ROBO1: variants seen among roughly 807,000 people sequenced by gnomAD.
The protein encoded by ROBO1 is roundabout homolog 1.
A neutral mutation model predicts 195.9 loss-of-function variants in ROBO1; 149 were observed. That is an observed-to-expected ratio of 0.76 (90% confidence interval 0.67 to 0.87). The LOEUF is 0.87. Among genes scored for constraint, ROBO1 ranks in the 40% least tolerant of loss-of-function variants. The probability of loss-of-function intolerance (pLI) is 0.00; values close to 1 mark genes in which losing one functional copy is unlikely to be tolerated. For synonymous variants in ROBO1, 816 were observed against 733.2 expected (o/e 1.11, Z -1.82); for missense variants, 1,933 against 2,068.3 (o/e 0.93, Z 1.27).
rs1418897158 is a variant in ROBO1 at position 78,659,113 on chromosome 3, T to C, written c.2442+573A>G. On this transcript the variant is annotated intron_variant, in intron 17 of 30. Transcript: ENST00000464233. ...TTCTAGACTAACACATAGTATCCTGTCACTCCTCAGTATTGAGACAGCCTT... is the reference window on the plus strand; with the variant it reads ...TTCTAGACTAACACATAGTATCCTGCCACTCCTCAGTATTGAGACAGCCTT... Among the ~76,000 whole-genome samples the C allele has an allele frequency of 4.6e-5, 7 of 152,192 alleles. No individual in the cohort carries two copies. The East Asian group carries it at 7.7e-4, about 17-fold the overall frequency.
chr3:79,278,779 G>A (rs911781242), intron 2 of ROBO1, among the ~76,000 whole-genome samples: 1 of 152,012 alleles, frequency 6.6e-6, no homozygotes, highest in African/African-American at 2.4e-5. Flanking sequence ...ATTGGCCTGG[G>A]AAAAGATTTT....
chr3:79,749,378 A>C (rs1704024237), intron 1 of ROBO1, among the ~76,000 whole-genome samples: 1 of 152,356 alleles, frequency 6.6e-6, no homozygotes, highest in Admixed American at 6.5e-5. Context: ...GCAGCCTGAC[A>C]ATATGATAGA....
intron 5 of ROBO1, among the ~76,000 whole-genome samples, chr3:78,737,488 CT>C (rs1478209258): frequency 6.6e-6 from 1 of 152,124 alleles, no homozygotes; most frequent in Non-Finnish European, 1.5e-5. Context: ...CATTTTCTCG[CT>C]GAATTCCCTC....
At chr3:78,959,654 A>T (rs550589631) in intron 3 of ROBO1, among the ~76,000 whole-genome samples, 1 of 152,218 alleles carries the variant, frequency 6.6e-6, no homozygotes, top group East Asian at 1.9e-4. Flanking sequence ...ACAGATCCAC[A>T]AAAGTTCAAT....
intron 1 of ROBO1, among the ~76,000 whole-genome samples, chr3:79,621,146 G>T (rs114169021): frequency 2.0e-5 from 3 of 151,938 alleles, no homozygotes; most frequent in African/African-American, 7.3e-5. Context: ...ATCAGTCTCC[G>T]CAACTTACCT....
intron 2 of ROBO1, among the ~76,000 whole-genome samples, chr3:79,250,563 TG>T (rs142321697): frequency 5.3e-5 from 8 of 151,738 alleles, no homozygotes; most frequent in East Asian, 3.9e-4. Context: ...ATAATGTGTG[TG>T]GGGGGGGTTC....
At chr3:79,007,418 C>G (rs1432608637) in intron 3 of ROBO1, among the ~76,000 whole-genome samples, 1 of 152,116 alleles carries the variant, frequency 6.6e-6, no homozygotes, top group Non-Finnish European at 1.5e-5. Context: ...GACAGAGAGA[C>G]AGTGATATTC....
chr3:79,665,833 C>T (rs180686887), intron 1 of ROBO1, among the ~76,000 whole-genome samples: 225 of 151,932 alleles, frequency 1.5e-3, no homozygotes, highest in Non-Finnish European at 2.5e-3. Flanking sequence ...GGATCTTAAA[C>T]ACAAGGCTTT....
rs144201528 is a variant in ROBO1, at chr3:79,372,432, A to G, written c.88+217392T>C. ...CACCATGTTGACCAGGATAGTCTCA[A>G]TCTCTTGATCTCGTGATCTGCCCGC... On this transcript the variant is annotated intron_variant, in intron 2 of 30. Coordinates refer to ENST00000464233, the MANE Select transcript of ROBO1 (RefSeq NM_002941.4). Among the ~76,000 whole-genome samples, 505 of 151,696 alleles carry G rather than the reference A, an allele frequency of 3.3e-3. 2 individuals are homozygous for G. Among genetic ancestry groups the G allele is most frequent in the African/African-American group, 0.012 (476 of 41,326 alleles).
At chr3:79,212,439 A>G (rs931692740) in intron 2 of ROBO1, among the ~76,000 whole-genome samples, 3 of 152,238 alleles carry the variant, frequency 2.0e-5, no homozygotes, top group Non-Finnish European at 4.4e-5. Flanking sequence ...CTTAGGGAGC[A>G]ATTTGAAAAA....
chr3:78,947,578 T>C (rs970769966), intron 3 of ROBO1, among the ~76,000 whole-genome samples: 1 of 152,060 alleles, frequency 6.6e-6, no homozygotes, highest in Non-Finnish European at 1.5e-5. Flanking sequence ...GTAGGAAAGA[T>C]CTAAAATTGA....
chr3:79,079,420 C>T (rs1159994944), intron 3 of ROBO1, among the ~76,000 whole-genome samples: 1 of 151,738 alleles, frequency 6.6e-6, no homozygotes, highest in Admixed American at 6.6e-5. Context: ...AACTCTATCT[C>T]ATAAGGCCAT....
At chr3:78,706,210 T>G (rs546427855) in intron 8 of ROBO1, among the ~76,000 whole-genome samples, 1 of 151,872 alleles carries the variant, frequency 6.6e-6, no homozygotes, top group Admixed American at 6.6e-5. Context: ...AGTTCAAGAA[T>G]AGGAGTAACT....
intron 10 of ROBO1, among the ~76,000 whole-genome samples, chr3:78,676,918 C>A (rs1358789403): frequency 1.3e-5 from 2 of 152,044 alleles, no homozygotes; most frequent in Admixed American, 6.6e-5. Flanking sequence ...TTAAGGGCAG[C>A]CAGAGAGAAA....
intron 2 of ROBO1, among the ~76,000 whole-genome samples, chr3:79,364,675 T>G (rs1168317720): frequency 6.6e-6 from 1 of 152,166 alleles, no homozygotes; most frequent in Non-Finnish European, 1.5e-5. Context: ...CAATCCAGTT[T>G]CTGTATATTT....
At chr3:79,372,768 TC>T (rs1180665573) in intron 2 of ROBO1, among the ~76,000 whole-genome samples, 1 of 152,200 alleles carries the variant, frequency 6.6e-6, no homozygotes, top group African/African-American at 2.4e-5. Context: ...CATTTTTTTT[TC>T]ATTATTTGAG....
At chr3:79,326,289 A>T (rs1401098052) in intron 2 of ROBO1, among the ~76,000 whole-genome samples, 3 of 152,088 alleles carry the variant, frequency 2.0e-5, no homozygotes, top group African/African-American at 7.2e-5. Flanking sequence ...TCTGTGACCC[A>T]CACCCTGTTC....
chr3:79,483,849 G>A (rs1939000602), intron 2 of ROBO1, among the ~76,000 whole-genome samples: 1 of 152,106 alleles, frequency 6.6e-6, no homozygotes, highest in African/African-American at 2.4e-5. Context: ...AAGAAAGCCA[G>A]TAGAGAAATC....
At chr3:79,036,919 G>A (rs756938714) in intron 3 of ROBO1, among the ~76,000 whole-genome samples, 1 of 152,138 alleles carries the variant, frequency 6.6e-6, no homozygotes, top group Non-Finnish European at 1.5e-5. Context: ...AAAGAGAAAT[G>A]TTGCAGATTC....
Sources: gnomAD v4.1 joint callset for allele counts (sites outside exome capture counted in the v4.1 genomes callset) on GRCh38, gnomAD v4.1.1 for gene constraint, MANE v1.5 for transcripts, NCBI Gene and HGNC (gene_info 2026-07-23, HGNC 2026-07-21) for gene names.